The following PPM1A variants were observed in gnomAD, a reference collection of about 807,000 sequenced individuals.
The protein encoded by PPM1A is protein phosphatase 1A.
A neutral mutation model predicts 35.0 loss-of-function variants in PPM1A; 7 were observed. That is an observed-to-expected ratio of 0.20 (90% CI 0.11 to 0.38). PPM1A has a LOEUF of 0.38. Among genes scored for constraint, PPM1A ranks in the 10% least tolerant of loss-of-function variants. The pLI, the probability that PPM1A is intolerant of heterozygous loss-of-function variation, is 1.00. For missense variants in PPM1A, 239 were observed against 467.8 expected, an observed-to-expected ratio of 0.51 and a Z score of 4.51; for synonymous variants, 153 against 167.3, an observed-to-expected ratio of 0.91 and a Z score of 0.66.
intron 1 of PPM1A, among the ~76,000 whole-genome samples, chr14:60,257,305 A>G (rs10147223): frequency 5.3e-5 from 8 of 152,216 alleles, no homozygotes; most frequent in African/African-American, 1.9e-4. Context: ...TGTTTATTGA[A>G]AATAAATTCC....
intron 3 of PPM1A, chr14:60,287,341 T>A: frequency 1.0e-6 from 1 of 984,268 alleles, no homozygotes; most frequent in Non-Finnish European, 1.2e-6. Context: ...GTTAAAGTGT[T>A]ATTATACTTG....
intron 1 of PPM1A, among the ~76,000 whole-genome samples, chr14:60,252,515 T>C (rs1882552617): frequency 6.6e-6 from 1 of 152,290 alleles, no homozygotes; most frequent in South Asian, 2.1e-4. Context: ...CTGTGAAATA[T>C]ATAAACCTTG....
rs553978872 is a variant in PPM1A, at chr14:60,277,238, CTG to C, written c.-20-5442_-20-5441del. 1.9e-4 allele frequency: 33 copies of C among 173,590 alleles called. No individual in the cohort carries two copies. In the East Asian group the frequency reaches 5.3e-3, roughly 28 times the overall value. 10.8% of individuals were successfully genotyped at this position (173,590 alleles called of 1,614,324 possible). A position where few individuals can be genotyped will look rare whatever the true frequency, so the allele number is the denominator to read the frequency against. On this transcript the variant is annotated intron_variant, in intron 1 of 5. Coordinates refer to ENST00000395076, the MANE Select transcript of PPM1A (RefSeq NM_021003.5). ...TTATTAGTCCACTTATGGAAGATGA[CTG>C]TGTAAACATAGTATTTGCAAGTAAG...
chr14:60,297,232 G>T lies in PPM1A; in HGVS notation c.*4750G>T, dbSNP rs1888123543. 1 of 151,624 alleles carries T rather than the reference G, an allele frequency of 6.6e-6. No individual in the cohort carries two copies. Among genetic ancestry groups the T allele is most frequent in the Admixed American group, 6.6e-5 (1 of 15,182 alleles). 9.4% of individuals were successfully genotyped at this position (151,624 alleles called of 1,614,324 possible). On this transcript the variant is annotated 3_prime_UTR_variant, in exon 6 of 6. Transcript: ENST00000395076. ...CTGTGTTAAACCGGGCTGAAAATGA[G>T]AAAACTTGGGAGATGGAGGAATGGG... is the stretch of plus-strand genomic sequence containing the variant.
rs2139614059 is a variant in PPM1A at position 60,295,485 on chromosome 14, C to G, written c.*3003C>G. On this transcript the variant is annotated 3_prime_UTR_variant, in exon 6 of 6. Transcript: ENST00000395076. ...ACTTAATTTTTTATACTAATCTCAA[C>G]ATTAAGAAATTTGGATTAAGTAATA... The G allele has an allele frequency of 6.6e-6, 1 of 151,814 alleles. No individual in the cohort carries two copies. Among genetic ancestry groups the G allele is most frequent in the South Asian group, 2.1e-4 (1 of 4,822 alleles). The allele number at this position is 151,814 out of a possible 1,614,324, so 9.4% of individuals were successfully genotyped here.
chr14:60,276,987 T>G (rs1156589006), intron 1 of PPM1A: 12 of 1,046,144 alleles, frequency 1.1e-5, no homozygotes, highest in Non-Finnish European at 1.4e-5. Context: ...ATTAATTCAG[T>G]CTTGTTTTTT....
intron 1 of PPM1A, among the ~76,000 whole-genome samples, chr14:60,269,383 T>A (rs1317769212): frequency 6.6e-6 from 1 of 152,218 alleles, no homozygotes; most frequent in Non-Finnish European, 1.5e-5. Flanking sequence ...TCATGTCTTC[T>A]TATTGCGTTT....
At chr14:60,246,402 G>A (rs540577242), upstream of PPM1A, among the ~76,000 whole-genome samples, 1 of 152,206 alleles carries the variant, frequency 6.6e-6, no homozygotes, top group East Asian at 1.9e-4. Flanking sequence ...CTAAATTCAG[G>A]ACTTTAAAGC....
chr14:60,284,714 TATATATAC>T (rs1886791553), intron 2 of PPM1A, among the ~76,000 whole-genome samples: 1 of 143,444 alleles, frequency 7.0e-6, no homozygotes, highest in African/African-American at 2.7e-5. Flanking sequence ...TGTGTATATA[TATATATAC>T]ATATATATAT....
chr14:60,279,652 C>T (rs963932343), intron 1 of PPM1A, among the ~76,000 whole-genome samples: 2 of 152,184 alleles, frequency 1.3e-5, no homozygotes, highest in African/African-American at 4.8e-5. Flanking sequence ...CCTATCGGCA[C>T]TCTAGGGGAG....
chr14:60,282,452 C>T lies in PPM1A; in HGVS notation c.-20-232C>T, dbSNP rs2139530905. ...CTCCTTTCTGCCTTCTCCCCTTTATCCCAATGCTTTAGTTTTTTTCTGCCT... is the reference window on the plus strand; with the variant it reads ...CTCCTTTCTGCCTTCTCCCCTTTATTCCAATGCTTTAGTTTTTTTCTGCCT... On this transcript the variant is annotated intron_variant, in intron 1 of 5. Coordinates refer to ENST00000395076, the MANE Select transcript of PPM1A (RefSeq NM_021003.5). The surrounding 1 kb of genome is among the most constrained non-coding windows in gnomAD (Gnocchi z 5.1). Among the ~76,000 whole-genome samples the T allele has an allele frequency of 6.6e-6, 1 of 152,282 alleles. No individual in the cohort carries two copies. The highest frequency in any genetic ancestry group is 2.4e-5 in the African/African-American group (1 of 41,566).
intron 1 of PPM1A, among the ~76,000 whole-genome samples, chr14:60,258,660 T>G (rs192668863): frequency 6.6e-6 from 1 of 152,138 alleles, no homozygotes; most frequent in Admixed American, 6.5e-5. Flanking sequence ...AAGACAACCA[T>G]GTATTCTATA....
Position 60,294,040 on chromosome 14 carries a change from A to G in PPM1A, c.*1558A>G, listed in dbSNP as rs1216605066. On this transcript the variant is annotated 3_prime_UTR_variant, in exon 6 of 6. Coordinates refer to ENST00000395076, the MANE Select transcript of PPM1A (RefSeq NM_021003.5). Reference sequence around the variant, plus strand: ...TAGAAAACTGTTGAAATGTAAGACTAAAATACAACATTGAATACAAAATCA... The same window carrying G: ...TAGAAAACTGTTGAAATGTAAGACTGAAATACAACATTGAATACAAAATCA... 6.6e-6 allele frequency: 1 copy of G among 151,924 alleles called. No individual in the cohort carries two copies. The highest frequency in any genetic ancestry group is 1.5e-5 in the Non-Finnish European group (1 of 67,858). The allele number at this position is 151,924 out of a possible 1,614,324, so 9.4% of individuals were successfully genotyped here.
At chr14:60,275,791 C>T (rs966120617) in intron 1 of PPM1A, among the ~76,000 whole-genome samples, 3 of 150,514 alleles carry the variant, frequency 2.0e-5, no homozygotes, top group Admixed American at 6.6e-5. Flanking sequence ...TTTAAAGCAA[C>T]AATCAGTGGG....
chr14:60,286,030 C>T (rs1886967672), intron 3 of PPM1A: 1 of 1,044,052 alleles, frequency 9.6e-7, no homozygotes, highest in Admixed American at 5.5e-5. Flanking sequence ...AATGAATTCA[C>T]TGGCATGAGT....
At chr14:60,286,278 C>G in intron 3 of PPM1A, 1 of 985,800 alleles carries the variant, frequency 1.0e-6, no homozygotes, top group Non-Finnish European at 1.2e-6. Flanking sequence ...ACTGTCTCAC[C>G]TAAACAAGAT....
At chr14:60,254,225 CAT>C (rs1424163981) in intron 1 of PPM1A, among the ~76,000 whole-genome samples, 1 of 151,914 alleles carries the variant, frequency 6.6e-6, no homozygotes, top group East Asian at 1.9e-4. Context: ...ATTTAGAAGA[CAT>C]TGTAAACTCT....
Position 60,292,722 on chromosome 14 carries a change from A to T in PPM1A, c.*240A>T, listed in dbSNP as rs1296098475. 5.4e-6 allele frequency: 2 copies of T among 373,310 alleles called. No individual in the cohort carries two copies. Among genetic ancestry groups the T allele is most frequent in the Middle Eastern group, 6.9e-4 (1 of 1,444 alleles). The allele number at this position is 373,310 out of a possible 1,614,324, so 23.1% of individuals were successfully genotyped here. On this transcript the variant is annotated 3_prime_UTR_variant, in exon 6 of 6. Coordinates refer to ENST00000395076, the MANE Select transcript of PPM1A (RefSeq NM_021003.5). This position sits in a 1 kb window ranked among gnomAD's most constrained non-coding sequence, Gnocchi z 4.2. Reference sequence around the variant, plus strand: ...CAAACCATAATTCGTGTTGTAAATCAGACTCCAGCAATTTTTGTTGTATGA... The same window carrying T: ...CAAACCATAATTCGTGTTGTAAATCTGACTCCAGCAATTTTTGTTGTATGA...
chr14:60,286,799 C>T (rs926512095), intron 3 of PPM1A: 16 of 981,856 alleles, frequency 1.6e-5, no homozygotes, highest in Non-Finnish European at 1.7e-5. Flanking sequence ...TGCTGTCCGC[C>T]ACTTGATAGT....
Sources: allele counts gnomAD v4.1 joint callset (sites outside exome capture counted in the v4.1 genomes callset), GRCh38; gene constraint gnomAD v4.1.1; non-coding constraint Gnocchi (gnomAD v3.1); transcripts MANE v1.5; gene names NCBI Gene and HGNC (gene_info 2026-07-23, HGNC 2026-07-21).